NCOR2: variants seen among roughly 807,000 people sequenced by gnomAD.
NCOR2 encodes the protein CTG repeat protein 26.
Under a neutral mutation model 262.9 loss-of-function variants are expected in NCOR2, and 81 were observed. The observed-to-expected ratio is 0.31, with a 90% CI of 0.26 to 0.37. The LOEUF is 0.37. Among genes scored for constraint, NCOR2 ranks in the 10% least tolerant of loss-of-function variants. The pLI is 1.00. For missense variants in NCOR2, 3,385 were observed against 3,621.4 expected (o/e 0.93, Z 1.68); for synonymous variants, 1,659 against 1,559.3 (o/e 1.06, Z -1.51).
chr12:124,362,748 G>C (rs945639797), intron 21 of NCOR2, among the ~76,000 whole-genome samples: 1 of 151,946 alleles, frequency 6.6e-6, no homozygotes, highest in Non-Finnish European at 1.5e-5. Flanking sequence ...TGGCCCAGCT[G>C]CCTGGTGGTG....
intron 1 of NCOR2, among the ~76,000 whole-genome samples, chr12:124,513,050 G>C (rs192197363): frequency 6.6e-6 from 1 of 152,222 alleles, no homozygotes; most frequent in Non-Finnish European, 1.5e-5. Context: ...GACCCTGGAA[G>C]GAGGCAGCTT....
At chr12:124,417,692 T>C (rs2042985217) in intron 13 of NCOR2, among the ~76,000 whole-genome samples, 1 of 152,228 alleles carries the variant, frequency 6.6e-6, no homozygotes, top group Non-Finnish European at 1.5e-5. Context: ...TACCTCAGCA[T>C]CTATATACTC....
At chr12:124,525,721 A>G (rs1465900644) in intron 1 of NCOR2, among the ~76,000 whole-genome samples, 1 of 152,216 alleles carries the variant, frequency 6.6e-6, no homozygotes, top group Non-Finnish European at 1.5e-5. Flanking sequence ...CACGGGGCAG[A>G]GGGAGGGCTG....
intron 27 of NCOR2, among the ~76,000 whole-genome samples, chr12:124,351,169 T>C (rs1377678174): frequency 1.3e-5 from 2 of 152,170 alleles, no homozygotes; most frequent in Non-Finnish European, 2.9e-5. Flanking sequence ...GCGTGGGGTC[T>C]ACTCAGAGCC....
intron 1 of NCOR2, among the ~76,000 whole-genome samples, chr12:124,501,054 GCACGCGCGCACA>G (rs1363450138): frequency 8.4e-6 from 1 of 118,738 alleles, no homozygotes; most frequent in South Asian, 2.9e-4. Context: ...GAGCGCGCGC[GCACGCGCGCACA>G]CACACACACA....
At chr12:124,340,383 C>A in exon 36 of NCOR2, 1 of 1,613,066 alleles carries the variant, frequency 6.2e-7, no homozygotes, top group Admixed American at 1.7e-5. Context: ...CTCTCGATCC[C>A]GGTCTCGCTC....
At chr12:124,501,928 C>T (rs2136954968) in intron 1 of NCOR2, among the ~76,000 whole-genome samples, 1 of 152,282 alleles carries the variant, frequency 6.6e-6, no homozygotes, top group East Asian at 1.9e-4. Context: ...GAAGCCGGCC[C>T]GGGGGGAACT....
intron 1 of NCOR2, among the ~76,000 whole-genome samples, chr12:124,528,005 C>G (rs900384363): frequency 5.0e-4 from 76 of 152,222 alleles, no homozygotes; most frequent in African/African-American, 1.7e-3. Flanking sequence ...TCAGCGCAGC[C>G]TGATGAGGGA....
At chr12:124,562,129 G>C (rs1163488141) in intron 1 of NCOR2, 1 of 152,134 alleles carries the variant, frequency 6.6e-6, no homozygotes, top group Non-Finnish European at 1.5e-5. Context: ...GTGCCCTCGG[G>C]TTAAGTAGCC....
chr12:124,429,978 G>T (rs2043824611), intron 9 of NCOR2, among the ~76,000 whole-genome samples: 1 of 152,230 alleles, frequency 6.6e-6, no homozygotes, highest in African/African-American at 2.4e-5. Context: ...TGGGTTCAAA[G>T]CCCAGCTCTG....
At chr12:124,445,099 C>T (rs920435276) in intron 7 of NCOR2, among the ~76,000 whole-genome samples, 1 of 152,320 alleles carries the variant, frequency 6.6e-6, no homozygotes, top group Non-Finnish European at 1.5e-5. Context: ...AAGAGAAAAA[C>T]GAGCAACGGA....
chr12:124,327,615 C>T (rs1184017451), exon 45 of NCOR2: 3 of 1,575,844 alleles, frequency 1.9e-6, no homozygotes, highest in East Asian at 2.4e-5. Flanking sequence ...CACCGCCTGG[C>T]TTCTATAGGT....
At chr12:124,347,193 A>AC (rs2037006979) in intron 30 of NCOR2, among the ~76,000 whole-genome samples, 1 of 152,048 alleles carries the variant, frequency 6.6e-6, no homozygotes, top group African/African-American at 2.4e-5. Context: ...ACATGGTGAA[A>AC]CCCCACCTCT....
Position 124,382,538 on chromosome 12 carries a change from G to T in NCOR2, c.2019+3207C>A, listed in dbSNP as rs573205273. Among the ~76,000 whole-genome samples the T allele has an allele frequency of 5.3e-5, 8 of 152,296 alleles. No homozygotes were observed. In the South Asian group the frequency reaches 1.7e-3, roughly 32 times the overall value. The stretch of plus-strand genomic sequence containing the variant: ...TTATCAGCTTTGACTGTGTCATTCG[G>T]ATCAGAATCACTTTCATCGACACTA... On this transcript the variant is annotated intron_variant, in intron 17 of 46. Coordinates refer to ENST00000405201, the Ensembl canonical transcript of NCOR2.
At chr12:124,422,431 TCCA>T (rs2043262407) in intron 12 of NCOR2, 67 bp downstream of exon 14, 12 of 1,586,292 alleles carry the variant, frequency 7.6e-6, no homozygotes, top group Non-Finnish European at 1.0e-5. Flanking sequence ...AGGGAGGGCC[TCCA>T]CCCTGAGTCC....
chr12:124,527,698 C>T (rs951564734), intron 1 of NCOR2, among the ~76,000 whole-genome samples: 8 of 152,182 alleles, frequency 5.3e-5, no homozygotes, highest in Admixed American at 4.6e-4. Flanking sequence ...GATTACATTA[C>T]AGACGTGAGC....
intron 20 of NCOR2, among the ~76,000 whole-genome samples, chr12:124,365,258 C>T (rs965148558): frequency 6.6e-6 from 1 of 152,204 alleles, no homozygotes; most frequent in African/African-American, 2.4e-5. Context: ...CAGGTCCTGT[C>T]GGCACAGCCC....
Position 124,504,949 on chromosome 12 carries a change from A to C in NCOR2, c.-117-9581T>G, listed in dbSNP as rs1044813527. On this transcript the variant is annotated intron_variant, in intron 1 of 46. Transcript: ENST00000404621. The surrounding 1 kb of genome is among the most constrained non-coding windows in gnomAD (Gnocchi z 4.5). ...GGATGAAACTGTTTTGGAATTAGAC[A>C]GAGGTGGTGGTTGCACAACCCGTGA... 1.3e-5 allele frequency among the ~76,000 whole-genome samples: 2 copies of C among 152,218 alleles called. No individual in the cohort carries two copies. Among genetic ancestry groups the C allele is most frequent in the African/African-American group, 4.8e-5 (2 of 41,458 alleles).
At chr12:124,351,359 G>C (rs1362026976) in intron 27 of NCOR2, among the ~76,000 whole-genome samples, 1 of 148,084 alleles carries the variant, frequency 6.8e-6, no homozygotes, top group African/African-American at 2.5e-5. Flanking sequence ...CCTCCTGACA[G>C]CTGGAGCTGG....
Sources: gnomAD v4.1 joint callset for allele counts (sites outside exome capture counted in the v4.1 genomes callset) on GRCh38, gnomAD v4.1.1 for gene constraint, Gnocchi (gnomAD v3.1) non-coding constraint, MANE v1.5 for transcripts, NCBI Gene and HGNC (gene_info 2026-07-23, HGNC 2026-07-21) for gene names.